SYNPO: variants seen among roughly 807,000 people sequenced by gnomAD.
The protein encoded by SYNPO is synaptopodin.
In SYNPO, 19 loss-of-function variants were observed where a neutral mutation model predicts 49.5. That is an observed-to-expected ratio of 0.38 (90% confidence interval 0.27 to 0.56). The LOEUF (loss-of-function observed/expected upper bound fraction) is 0.56, where lower values mean the gene tolerates loss of function less well. Ranked by LOEUF, SYNPO falls within the 20% of genes least tolerant of loss-of-function variation. The probability of loss-of-function intolerance (pLI) is 0.68; values close to 1 mark genes in which losing one functional copy is unlikely to be tolerated. For missense variants in SYNPO, 1,131 were observed against 1,248.3 expected, an observed-to-expected ratio of 0.91 and a Z score of 1.42; for synonymous variants, 536 against 548.0, an observed-to-expected ratio of 0.98 and a Z score of 0.31.
At chr5:150,626,509 G>T (rs1258850640) in intron 2 of SYNPO, among the ~76,000 whole-genome samples, 1 of 152,168 alleles carries the variant, frequency 6.6e-6, no homozygotes, top group African/African-American at 2.4e-5. Flanking sequence ...GCAAGCCATG[G>T]GCCGGCTCCC....
chr5:150,593,885 T>C, the SYNPO span, among the ~76,000 whole-genome samples: 1 of 152,176 alleles, frequency 6.6e-6, no homozygotes, highest in Non-Finnish European at 1.5e-5. Context: ...GTGTGGTCAG[T>C]AGAATGGCAG....
chr5:150,640,588 C>T (rs375412379), upstream of SYNPO: 13 of 929,996 alleles, frequency 1.4e-5, no homozygotes, highest in African/African-American at 1.3e-4. Flanking sequence ...CAGCGTGGGG[C>T]GGGTAGATTG....
chr5:150,643,559 G>C (rs921788577), intron 1 of SYNPO, among the ~76,000 whole-genome samples: 2 of 152,164 alleles, frequency 1.3e-5, no homozygotes, highest in African/African-American at 2.4e-5. Context: ...TGTTGAGATG[G>C]AATGTCGCTC....
Position 150,648,154 on chromosome 5 carries a change from T to C in SYNPO, c.-122T>C. ...CCCAGCCAGGAGTCCCTCAGAGTGCTCCCTTCAAGCCTCCCAGGCCATGCA... is the reference window on the plus strand; with the variant it reads ...CCCAGCCAGGAGTCCCTCAGAGTGCCCCCTTCAAGCCTCCCAGGCCATGCA... On this transcript the variant is annotated 5_prime_UTR_variant, in exon 2 of 3. Transcript: ENST00000307662. The surrounding 1 kb of genome is among the most constrained non-coding windows in gnomAD (Gnocchi z 5.0). The C allele has an allele frequency of 6.4e-7, 1 of 1,555,320 alleles. No homozygotes were observed. The highest frequency in any genetic ancestry group is 8.7e-7 in the Non-Finnish European group (1 of 1,149,052).
chr5:150,647,886 T>C, intron 1 of SYNPO, 58 bp from the exon 2 acceptor site: 1 of 1,480,230 alleles, frequency 6.8e-7, no homozygotes, highest in South Asian at 1.3e-5. Context: ...TGTTTGTCCG[T>C]GCACCCCTGT....
Position 150,649,226 on chromosome 5 carries a change from A to T in SYNPO, c.951A>T (p.Ala317=). Residue 317 remains alanine, a synonymous_variant, in exon 2 of 3, where the codon GCA becomes GCT. Coordinates refer to ENST00000307662, the MANE Select transcript of SYNPO (RefSeq NM_007286.6). The stretch of plus-strand genomic sequence containing the variant: ...GACGCCCCTTGGGGAACTTCACTGC[A>T]CCCCCCACCTACACTGAGACCTTGT... The part of the protein sequence containing the change: ...SERRPLGNFT[A]PPTYTETLST... 1 of 1,613,662 alleles carries T rather than the reference A, an allele frequency of 6.2e-7. No homozygotes were observed. The highest frequency in any genetic ancestry group is 8.5e-7 in the Non-Finnish European group (1 of 1,179,906).
At chr5:150,639,650 G>A (rs1473505640), upstream of SYNPO, among the ~76,000 whole-genome samples, 1 of 152,204 alleles carries the variant, frequency 6.6e-6, no homozygotes, top group Admixed American at 6.5e-5. Flanking sequence ...TGGGGATAAG[G>A]GAACCTCCTC....
rs779532598 is a variant in SYNPO, at chr5:150,656,803, C to T, written c.2428C>T (p.Pro810Ser). 50 of 1,463,756 alleles carry T rather than the reference C, an allele frequency of 3.4e-5. No homozygotes were observed. The highest frequency in any genetic ancestry group is 2.4e-4 in the Middle Eastern group (1 of 4,142). 90.7% of individuals were successfully genotyped at this position (1,463,756 alleles called of 1,614,324 possible). A position where few individuals can be genotyped will look rare whatever the true frequency, so the allele number is the denominator to read the frequency against. The change falls in exon 3 of 3, where the codon CCC (proline) becomes TCC (serine). Residue 810 changes from proline to serine, a missense_variant. By Grantham distance (74) the Pro-to-Ser change is moderately conservative. Around this residue, in one of 4 missense-constraint regions of SYNPO, gnomAD observed 509 missense variants for 484.5 expected, o/e 1.05. Transcript: ENST00000307662. ...PRMRSPQPAR[P>S]GSAAVPGAAF... ...CATGCGCTCGCCACAGCCCGCCCGC[C>T]CCGGCTCGGCTGCTGTGCCGGGGGC...
In SYNPO at chr5:150,646,175, C is replaced by CA. The variant is rs34260941; in HGVS notation, c.-332-1754dup. Among the ~76,000 whole-genome samples, 434 of 131,640 alleles carry CA rather than the reference C, an allele frequency of 3.3e-3. 1 individual carries two copies. The highest frequency in any genetic ancestry group is 0.012 in the Middle Eastern group (3 of 242). 86.4% of individuals were successfully genotyped at this position (131,640 alleles called of 152,430 possible). ...GGAGACCCCTTCTCTACAAAAAATA[C>CA]AAAAAAAAAAAAAAATTGGCTAAGT... On this transcript the variant is annotated intron_variant, in intron 1 of 2. Coordinates refer to ENST00000307662, the MANE Select transcript of SYNPO (RefSeq NM_007286.6).
intron 2 of SYNPO, chr5:150,625,052 G>A (rs1224353298): frequency 1.0e-5 from 9 of 864,654 alleles, no homozygotes; most frequent in African/African-American, 1.8e-5. Context: ...TGGCCAAGTC[G>A]CTTCTACACT....
At chr5:150,603,370 G>C (rs576159515) in intron 1 of SYNPO, among the ~76,000 whole-genome samples, 2 of 152,274 alleles carry the variant, frequency 1.3e-5, no homozygotes, top group East Asian at 1.9e-4. Context: ...CAAGGGTTCT[G>C]GGGGGGCCCC....
chr5:150,631,339 G>A (rs990164380), intron 2 of SYNPO, among the ~76,000 whole-genome samples: 3 of 152,184 alleles, frequency 2.0e-5, no homozygotes, highest in African/African-American at 7.2e-5. Flanking sequence ...GAGGGCCTTG[G>A]GACCTGTGAA....
intron 1 of SYNPO, among the ~76,000 whole-genome samples, chr5:150,606,607 CT>C (rs1357678537): frequency 6.6e-6 from 1 of 152,252 alleles, no homozygotes; most frequent in African/African-American, 2.4e-5. Context: ...GCACTTTCAC[CT>C]CCAATATTGC....
At chr5:150,620,960 T>C (rs373162649) in intron 2 of SYNPO, among the ~76,000 whole-genome samples, 19 of 118,070 alleles carry the variant, frequency 1.6e-4, no homozygotes, top group Admixed American at 5.2e-4. Context: ...CTTTTCTTTT[T>C]TTTTTTTTTT....
chr5:150,639,475 G>A (rs1757822307), upstream of SYNPO, among the ~76,000 whole-genome samples: 1 of 152,164 alleles, frequency 6.6e-6, no homozygotes. Context: ...CGTTGGGCTG[G>A]GCCTGGATGG....
chr5:150,621,755 AG>A (rs1291384488), intron 2 of SYNPO, among the ~76,000 whole-genome samples: 1 of 152,184 alleles, frequency 6.6e-6, no homozygotes, highest in Non-Finnish European at 1.5e-5. Context: ...CCAAGGCCTG[AG>A]TACCAGCTGA....
At chr5:150,635,753 G>A (rs929252755), upstream of SYNPO, among the ~76,000 whole-genome samples, 11 of 152,138 alleles carry the variant, frequency 7.2e-5, no homozygotes, top group Non-Finnish European at 1.2e-4. Flanking sequence ...GTGAGCCACC[G>A]CACCCAGCCC....
upstream of SYNPO, among the ~76,000 whole-genome samples, chr5:150,638,996 C>G (rs1409432648): frequency 6.6e-6 from 1 of 152,196 alleles, no homozygotes; most frequent in Non-Finnish European, 1.5e-5. Flanking sequence ...TGAGCCCTCC[C>G]TTTTCAGTTT....
chr5:150,593,437 T>C, the SYNPO span, among the ~76,000 whole-genome samples: 1 of 152,222 alleles, frequency 6.6e-6, no homozygotes, highest in African/African-American at 2.4e-5. Flanking sequence ...CTCTATTTTA[T>C]ATATTCCAGA....
Sources: gnomAD v4.1 joint callset for allele counts (sites outside exome capture counted in the v4.1 genomes callset) on GRCh38, gnomAD v4.1.1 for gene constraint, gnomAD v4.1.1 regional missense constraint, Gnocchi (gnomAD v3.1) non-coding constraint, MANE v1.5 for transcripts, NCBI Gene and HGNC (gene_info 2026-07-23, HGNC 2026-07-21) for gene names.